CLMN: variants seen among roughly 807,000 people sequenced by gnomAD.
CLMN encodes calmin (calponin-like, transmembrane).
In CLMN, 57 loss-of-function variants were observed where a neutral mutation model predicts 92.7. The observed-to-expected ratio is 0.61, with a 90% CI of 0.50 to 0.77. The LOEUF (loss-of-function observed/expected upper bound fraction) is 0.77, where lower values mean the gene tolerates loss of function less well. Ranked by LOEUF, CLMN falls within the 30% of genes least tolerant of loss-of-function variation. The pLI, the probability that CLMN is intolerant of heterozygous loss-of-function variation, is 0.00. For synonymous variants in CLMN, 466 were observed against 470.6 expected (o/e 0.99, Z 0.13); for missense variants, 1,158 against 1,237.5 (o/e 0.94, Z 0.96).
intron 9 of CLMN, among the ~76,000 whole-genome samples, chr14:95,198,207 G>A (rs1204968796): frequency 1.3e-5 from 2 of 151,426 alleles, no homozygotes; most frequent in African/African-American, 4.9e-5. Context: ...CTGCCACCAC[G>A]CCTGGCTAAT....
intron 1 of CLMN, among the ~76,000 whole-genome samples, chr14:95,231,193 C>CTTT (rs59211402): frequency 4.4e-5 from 6 of 137,316 alleles, no homozygotes; most frequent in African/African-American, 5.4e-5. Context: ...AATCCTCTAA[C>CTTT]TTTTTTTTTT....
rs1194621788 is a variant in CLMN, at chr14:95,204,450, T to A, written c.899A>T (p.Asp300Val). Residue 300 changes from aspartate to valine, a missense_variant, in exon 9 of 13, where the codon GAT (aspartate) becomes GTT (valine). Transcript: ENST00000298912. ...FPELEAEDIF[D>V]SDKEVPIEST... is the part of the protein sequence containing the mutation. The stretch of plus-strand genomic sequence containing the variant: ...TTCGATAGGAACTTCTTTATCTGAA[T>A]CGAAAATATCTTCCTGCAAAAAAAA... The A allele has an allele frequency of 3.2e-6, 5 of 1,538,484 alleles. No individual in the cohort carries two copies. The African/African-American group carries it at 7.2e-5, about 22-fold the overall frequency.
At chr14:95,311,407 C>T (rs1901533472) in intron 1 of CLMN, among the ~76,000 whole-genome samples, 1 of 152,116 alleles carries the variant, frequency 6.6e-6, no homozygotes, top group Admixed American at 6.5e-5. Context: ...AGCCTGGGGT[C>T]CTTCCAGTTA....
At chr14:95,263,602 G>A (rs1358258207) in intron 1 of CLMN, among the ~76,000 whole-genome samples, 1 of 152,198 alleles carries the variant, frequency 6.6e-6, no homozygotes, top group African/African-American at 2.4e-5. Flanking sequence ...TGGCAATGGA[G>A]CCCTAAACGT....
At chr14:95,217,207 G>A (rs150551053) in intron 4 of CLMN, among the ~76,000 whole-genome samples, 78 of 152,348 alleles carry the variant, frequency 5.1e-4, no homozygotes, top group African/African-American at 1.9e-3. Context: ...GCAAAATTCT[G>A]CCTGGTAGAC....
intron 1 of CLMN, among the ~76,000 whole-genome samples, chr14:95,289,490 TAAATAAATAAATAAATAAACAAAC>T (rs1186471971): frequency 3.4e-5 from 4 of 116,258 alleles, no homozygotes; most frequent in Admixed American, 1.0e-4. Flanking sequence ...AATAAATAAA[TAAATAAATAAATAAATAAACAAAC>T]AAACAAACAA....
chr14:95,210,056 C>T lies in CLMN; in HGVS notation c.803-579G>A, dbSNP rs140088689. 6.1e-3 allele frequency among the ~76,000 whole-genome samples: 894 copies of T among 145,592 alleles called. 11 individuals carry two copies. The highest frequency in any genetic ancestry group is 0.021 in the African/African-American group (844 of 40,416). On this transcript the variant is annotated intron_variant, in intron 7 of 12. Coordinates refer to ENST00000298912, the MANE Select transcript of CLMN (RefSeq NM_024734.4). ...CTACCAGTAGTGGAAGAGCTAAGTA[C>T]ATTTTTTTTTTTTGGAGACAGAGTC...
intron 2 of CLMN, among the ~76,000 whole-genome samples, chr14:95,227,163 C>T (rs1897738289): frequency 6.6e-6 from 1 of 152,144 alleles, no homozygotes. Context: ...GGCCCAGCCA[C>T]CCTTTCCCTG....
chr14:95,297,550 C>G (rs1245825718), intron 1 of CLMN, among the ~76,000 whole-genome samples: 1 of 152,224 alleles, frequency 6.6e-6, no homozygotes, highest in Non-Finnish European at 1.5e-5. Flanking sequence ...AACCACACAT[C>G]CATTTTTTGT....
In CLMN at chr14:95,228,867, G is replaced by C. The variant is rs555731179; in HGVS notation, c.144+1205C>G. Among the ~76,000 whole-genome samples, 15 of 152,268 alleles carry C rather than the reference G, an allele frequency of 9.9e-5. No homozygotes were observed. In the South Asian group the frequency reaches 2.9e-3, roughly 29 times the overall value. The stretch of plus-strand genomic sequence containing the variant: ...TTTTTGTATTTTTAGTAGAGACAAG[G>C]TTTCACCATGCTGGCCAGGCTGGTC... On this transcript the variant is annotated intron_variant, in intron 2 of 12. Coordinates refer to ENST00000298912, the MANE Select transcript of CLMN (RefSeq NM_024734.4).
chr14:95,278,776 C>T lies in CLMN; in HGVS notation c.82+40935G>A, dbSNP rs145698050. Among the ~76,000 whole-genome samples, 87 of 152,242 alleles carry T rather than the reference C, an allele frequency of 5.7e-4. No homozygotes were observed. The East Asian group carries it at 0.012, about 21-fold the overall frequency. On this transcript the variant is annotated intron_variant, in intron 1 of 12. Coordinates refer to ENST00000298912, the MANE Select transcript of CLMN (RefSeq NM_024734.4). ...ATCAGAGAAGCATGTTCTTGGCTGC[C>T]TAGAAGTTATGGAAACATCCCCACC...
chr14:95,306,917 C>T (rs747721330), intron 1 of CLMN, among the ~76,000 whole-genome samples: 1 of 152,076 alleles, frequency 6.6e-6, no homozygotes, highest in Non-Finnish European at 1.5e-5. Flanking sequence ...ACCAAAAAAT[C>T]AAGATGAAAC....
At chr14:95,301,250 C>G (rs905374813) in intron 1 of CLMN, among the ~76,000 whole-genome samples, 1 of 152,158 alleles carries the variant, frequency 6.6e-6, no homozygotes, top group Non-Finnish European at 1.5e-5. Flanking sequence ...CTTGTGTGTC[C>G]GAGAGTGGGG....
intron 8 of CLMN, among the ~76,000 whole-genome samples, chr14:95,207,153 A>G (rs1897068932): frequency 6.6e-6 from 1 of 152,234 alleles, no homozygotes; most frequent in Admixed American, 6.5e-5. Flanking sequence ...TAAAACGTGT[A>G]TACATTGTAA....
At chr14:95,238,535 G>T (rs1224310560) in intron 1 of CLMN, among the ~76,000 whole-genome samples, 1 of 152,180 alleles carries the variant, frequency 6.6e-6, no homozygotes, top group Non-Finnish European at 1.5e-5. Flanking sequence ...GTAATAAAAT[G>T]CAAAACCCTC....
At chr14:95,284,741 A>G (rs1228175998) in intron 1 of CLMN, among the ~76,000 whole-genome samples, 1 of 151,986 alleles carries the variant, frequency 6.6e-6, no homozygotes, top group Non-Finnish European at 1.5e-5. Context: ...ACCCCACTGT[A>G]TCTAGGAAGC....
At chr14:95,247,926 G>GAA (rs1898635992) in intron 1 of CLMN, among the ~76,000 whole-genome samples, 1 of 151,936 alleles carries the variant, frequency 6.6e-6, no homozygotes, top group South Asian at 2.1e-4. Context: ...GAGAGAGAGA[G>GAA]AAAGCATGCA....
rs376406080 is a variant in CLMN at position 95,204,476 on chromosome 14, A to C, written c.886-13T>G. The C allele has an allele frequency of 6.3e-5, 97 of 1,545,208 alleles. No homozygotes were observed. The highest frequency in any genetic ancestry group is 3.9e-4 in the African/African-American group (28 of 71,648). ...CGAAAATATCTTCCTGCAAAAAAAAACAAAAACAAACAAACAAAAAAAAAC... is the reference window on the plus strand; with the variant it reads ...CGAAAATATCTTCCTGCAAAAAAAACCAAAAACAAACAAACAAAAAAAAAC... On this transcript the variant is annotated splice_polypyrimidine_tract_variant and intron_variant, in intron 8 of 12. Coordinates refer to ENST00000298912, the MANE Select transcript of CLMN (RefSeq NM_024734.4).
chr14:95,197,504 T>C lies in CLMN; in HGVS notation c.2512-810A>G, dbSNP rs1043062355. On this transcript the variant is annotated intron_variant, in intron 9 of 12. Coordinates refer to ENST00000298912, the MANE Select transcript of CLMN (RefSeq NM_024734.4). ...TCATCCAATTAAACAAAAGAATAAA[T>C]CCTGGAAGCTAGGTGGGCCAAAGGG... Among the ~76,000 whole-genome samples the C allele has an allele frequency of 1.3e-4, 20 of 152,168 alleles. 1 individual carries two copies. The highest frequency in any genetic ancestry group is 4.3e-4 in the African/African-American group (18 of 41,504).
Sources: gnomAD v4.1 joint callset for allele counts (sites outside exome capture counted in the v4.1 genomes callset) on GRCh38, gnomAD v4.1.1 for gene constraint, MANE v1.5 for transcripts, NCBI Gene and HGNC (gene_info 2026-07-23, HGNC 2026-07-21) for gene names.